PDE8A: variants seen among roughly 807,000 people sequenced by gnomAD.
PDE8A encodes the protein high affinity cAMP-specific and IBMX-insensitive 3',5'-cyclic phosphodiesterase 8A.
A neutral mutation model predicts 105.0 loss-of-function variants in PDE8A; 59 were observed. The ratio of observed to expected loss-of-function variants is 0.56; its 90% CI spans 0.46 to 0.70. The LOEUF (loss-of-function observed/expected upper bound fraction) is 0.70, where lower values mean the gene tolerates loss of function less well. Among genes scored for constraint, PDE8A ranks in the 30% least tolerant of loss-of-function variants. The pLI is 0.00. For synonymous variants in PDE8A, 355 were observed against 371.9 expected (o/e 0.95, Z 0.52); for missense variants, 1,014 against 1,045.9 (o/e 0.97, Z 0.42).
At chr15:85,115,253 G>C (rs1481684445) in intron 14 of PDE8A, 186 bp from the exon 15 acceptor site, 4 of 545,656 alleles carry the variant, frequency 7.3e-6, no homozygotes, top group Non-Finnish European at 1.3e-5. Flanking sequence ...AGCCTGTTGT[G>C]CTCTCCAGTA....
chr15:85,136,590 T>G lies in PDE8A; in HGVS notation c.2310T>G (p.Asn770Lys). Reference protein sequence around the residue: ...LPVVMPVFDRNTCSIPKSQIS... With the variant: ...LPVVMPVFDRKTCSIPKSQIS... ...TGGTGATGCCAGTGTTTGACAGAAA[T>G]ACCTGCAGCATCCCCAAATCCCAAA... Residue 770 changes from asparagine to lysine, a missense_variant, in exon 21 of 22, where the codon AAT (asparagine) becomes AAG (lysine). Transcript: ENST00000394553. 6.2e-7 allele frequency: 1 copy of G among 1,613,706 alleles called. No individual in the cohort carries two copies. Among genetic ancestry groups the G allele is most frequent in the Non-Finnish European group, 8.5e-7 (1 of 1,179,666 alleles).
chr15:85,058,014 T>G (rs2081088934), intron 1 of PDE8A, among the ~76,000 whole-genome samples: 1 of 152,212 alleles, frequency 6.6e-6, no homozygotes, highest in Non-Finnish European at 1.5e-5. Context: ...TAGTGTCTTT[T>G]GTTGTTGTCG....
At chr15:85,078,567 A>AAAAG (rs1304843911) in intron 5 of PDE8A, among the ~76,000 whole-genome samples, 5 of 150,094 alleles carry the variant, frequency 3.3e-5, no homozygotes, top group South Asian at 4.2e-4. Context: ...AAAAAAAAAA[A>AAAAG]AAAGAAAGAA....
chr15:84,997,536 G>A (rs6496586), intron 1 of PDE8A, among the ~76,000 whole-genome samples: 21,096 of 151,812 alleles, frequency 0.14, 1,795 homozygotes, highest in South Asian at 0.3. Context: ...CCATTTTCCC[G>A]TTTTATTAAT....
intron 21 of PDE8A, among the ~76,000 whole-genome samples, chr15:85,137,246 G>C (rs2082425375): frequency 6.6e-6 from 1 of 152,230 alleles, no homozygotes. Flanking sequence ...ACAGGGGTAG[G>C]CGGCTGGGGA....
intron 1 of PDE8A, among the ~76,000 whole-genome samples, chr15:85,040,974 A>G (rs950329107): frequency 5.3e-5 from 8 of 152,114 alleles, no homozygotes; most frequent in Admixed American, 1.3e-4. Flanking sequence ...CTAGTTAGAT[A>G]TACTGAGAAT....
chr15:85,083,779 C>G (rs772009634), intron 6 of PDE8A, 135 bp downstream of exon 6: 38 of 615,742 alleles, frequency 6.2e-5, no homozygotes, highest in Non-Finnish European at 1.0e-4. Context: ...GGCAACTCCC[C>G]TCGTACAGAC....
Position 85,020,421 on chromosome 15 carries a change from C to T in PDE8A, c.186+38073C>T, listed in dbSNP as rs560284036. ...GAGTTTGAGACCAGCCTGGCCAACA[C>T]GGCGAAACCCTGTCTCTACTAAAAA... On this transcript the variant is annotated intron_variant, in intron 1 of 21. Coordinates refer to ENST00000394553, the MANE Select transcript of PDE8A (RefSeq NM_002605.3). Among the ~76,000 whole-genome samples the T allele has an allele frequency of 6.6e-4, 101 of 152,134 alleles. 2 individuals carry two copies. The highest frequency in any genetic ancestry group is 2.3e-3 in the African/African-American group (95 of 41,530).
chr15:85,088,887 C>T (rs2081595608), intron 6 of PDE8A, among the ~76,000 whole-genome samples: 2 of 152,204 alleles, frequency 1.3e-5, no homozygotes. Flanking sequence ...CAGATGCCCT[C>T]AATTTTGTGA....
chr15:85,019,450 C>G (rs138605677), intron 1 of PDE8A, among the ~76,000 whole-genome samples: 2 of 152,230 alleles, frequency 1.3e-5, no homozygotes, highest in Non-Finnish European at 2.9e-5. Flanking sequence ...AATGGGGTCT[C>G]GCTGTGTTGC....
chr15:85,010,376 C>T (rs1401553534), intron 1 of PDE8A, among the ~76,000 whole-genome samples: 2 of 152,224 alleles, frequency 1.3e-5, no homozygotes, highest in African/African-American at 4.8e-5. Context: ...GCTTTAGCCT[C>T]AGTCTCAAAC....
chr15:85,022,380 C>G (rs1161271752), intron 1 of PDE8A, among the ~76,000 whole-genome samples: 2 of 149,876 alleles, frequency 1.3e-5, no homozygotes, highest in Non-Finnish European at 3.0e-5. Flanking sequence ...TCTTCTCTAG[C>G]TCTAGCACCA....
intron 1 of PDE8A, among the ~76,000 whole-genome samples, chr15:85,011,816 C>G (rs897568159): frequency 6.6e-6 from 1 of 152,098 alleles, no homozygotes; most frequent in Non-Finnish European, 1.5e-5. Context: ...GGGCTAATAT[C>G]CAGAATCTAC....
At chr15:85,076,865 A>C in intron 5 of PDE8A, 78 bp downstream of exon 5, 3 of 959,960 alleles carry the variant, frequency 3.1e-6, no homozygotes, top group Non-Finnish European at 5.1e-6. Context: ...ACCCAGCAAA[A>C]GCTTTGTATT....
At chr15:84,984,478 G>T (rs2079770060) in intron 1 of PDE8A, among the ~76,000 whole-genome samples, 2 of 152,198 alleles carry the variant, frequency 1.3e-5, no homozygotes, top group Non-Finnish European at 2.9e-5. Context: ...ATCTCAAGAT[G>T]CAATTTAATT....
Position 85,076,787 on chromosome 15 carries a change from G to T in PDE8A, c.546G>T (p.Arg182Ser). 6.5e-7 allele frequency: 1 copy of T among 1,545,478 alleles called. No individual in the cohort carries two copies. The highest frequency in any genetic ancestry group is 8.9e-7 in the Non-Finnish European group (1 of 1,117,574). The part of the protein sequence containing the change: ...VMPFISAGFT[R>S]RYVENPNIMA... ...CTTTCATTTCTGCTGGATTTACAAG[G>T]GTATGTACTCACTTATTTGTTATAC... The change falls in exon 5 of 22, where the codon AGG becomes AGT. Residue 182 changes from arginine (R) to serine (S), a missense_variant and splice_region_variant. Transcript: ENST00000394553.
chr15:85,053,720 G>C (rs1446225444), intron 1 of PDE8A, among the ~76,000 whole-genome samples: 2 of 152,246 alleles, frequency 1.3e-5, no homozygotes, highest in Admixed American at 6.5e-5. Flanking sequence ...ATTTTGGGCT[G>C]AGACAATGGG....
At chr15:85,113,260 G>A in intron 12 of PDE8A, 117 bp from the exon 13 acceptor site, 1 of 845,734 alleles carries the variant, frequency 1.2e-6, no homozygotes, top group Non-Finnish European at 2.0e-6. Context: ...AGGAAGCTCA[G>A]CAAACTCAGT....
intron 6 of PDE8A, among the ~76,000 whole-genome samples, chr15:85,089,019 A>G (rs936292489): frequency 6.6e-6 from 1 of 152,114 alleles, no homozygotes; most frequent in Non-Finnish European, 1.5e-5. Context: ...GTGAAAGGGA[A>G]GGCTTGATGG....
Sources: gnomAD v4.1 joint callset for allele counts (sites outside exome capture counted in the v4.1 genomes callset) on GRCh38, gnomAD v4.1.1 for gene constraint, MANE v1.5 for transcripts, NCBI Gene and HGNC (gene_info 2026-07-23, HGNC 2026-07-21) for gene names.